The following RFX7 variants were observed in gnomAD, a reference collection of about 807,000 sequenced individuals.
The protein encoded by RFX7 is DNA-binding protein RFX7.
Under a neutral mutation model 111.8 loss-of-function variants are expected in RFX7, and 26 were observed. The observed-to-expected ratio is 0.23, with a 90% confidence interval of 0.17 to 0.32. The LOEUF (loss-of-function observed/expected upper bound fraction) is 0.32. RFX7 is among the 10% of genes least tolerant of loss of function. The pLI is 1.00. For synonymous variants in RFX7, 624 were observed against 624.4 expected (o/e 1.00, Z 0.01); for missense variants, 1,573 against 1,772.9 (o/e 0.89, Z 2.02).
At position 56,095,661 on chromosome 15, in the gene RFX7, T is replaced by C. The variant is rs3803459; in HGVS notation, c.2067A>G (p.Lys689=). Residue 689 remains lysine (K), a synonymous_variant, in exon 10 of 10, where the codon AAA becomes AAG. Transcript: ENST00000559447. ...TTTGGTCCTTCTTAACACTGCCTTG[T>C]TTCTGCCCTTCTATGGTAGCTGCTG... ...QLSAATIEGQ[K]QGSVKKDQKV... 228,329 of 1,613,782 alleles carry C rather than the reference T, an allele frequency of 0.14. 20,850 individuals carry two copies. The highest frequency in any genetic ancestry group is 0.48 in the East Asian group (21,371 of 44,858).
chr15:56,119,497 C>T (rs1306135797), intron 5 of RFX7, among the ~76,000 whole-genome samples: 2 of 152,050 alleles, frequency 1.3e-5, no homozygotes, highest in African/African-American at 4.8e-5. Context: ...AGTTCACTGG[C>T]TGGGTGCGGT....
chr15:56,214,906 A>G (rs1337793164), intron 2 of RFX7, among the ~76,000 whole-genome samples: 7 of 151,974 alleles, frequency 4.6e-5, no homozygotes, highest in African/African-American at 1.7e-4. Flanking sequence ...AGACTAACGT[A>G]TGGTAAGTTA....
chr15:56,232,789 C>T (rs1309110584), intron 2 of RFX7, among the ~76,000 whole-genome samples: 1 of 152,166 alleles, frequency 6.6e-6, no homozygotes, highest in Admixed American at 6.5e-5. Flanking sequence ...GGGTAAAATG[C>T]TGCCAGTATC....
In RFX7 at chr15:56,140,118, C is replaced by T. The variant is rs1595958553; in HGVS notation, c.401+2660G>A. 1.3e-5 allele frequency among the ~76,000 whole-genome samples: 2 copies of T among 152,210 alleles called. 1 individual carries two copies. Among genetic ancestry groups the T allele is most frequent in the South Asian group, 4.1e-4 (2 of 4,826 alleles). On this transcript the variant is annotated intron_variant, in intron 5 of 9. Coordinates refer to ENST00000559447, the MANE Select transcript of RFX7 (RefSeq NM_022841.7). ...GGTGGAGCCTACAGAGGCAGGCAGG[C>T]CTCCTTGAGCTGTGGTGGGCTCCGC... is the stretch of plus-strand genomic sequence containing the variant.
chr15:56,131,851 A>G (rs2042222959), intron 5 of RFX7, among the ~76,000 whole-genome samples: 1 of 152,176 alleles, frequency 6.6e-6, no homozygotes, highest in African/African-American at 2.4e-5. Flanking sequence ...ACTATCTAGA[A>G]AAGTCAAAAG....
chr15:56,123,115 T>G (rs1235981340), intron 5 of RFX7, among the ~76,000 whole-genome samples: 8 of 152,142 alleles, frequency 5.3e-5, no homozygotes, highest in Admixed American at 3.3e-4. Context: ...CCTCTGCTTT[T>G]TCCAACCAGA....
chr15:56,185,237 T>C (rs2043025627), intron 2 of RFX7, among the ~76,000 whole-genome samples: 1 of 152,194 alleles, frequency 6.6e-6, no homozygotes, highest in African/African-American at 2.4e-5. Context: ...ATTTTATTTT[T>C]AAACTATCTA....
intron 4 of RFX7, 88 bp from the exon 5 acceptor site, chr15:56,142,988 G>T: frequency 7.0e-7 from 1 of 1,421,470 alleles, no homozygotes; most frequent in Non-Finnish European, 9.7e-7. Flanking sequence ...CTAAAGAACT[G>T]TATACAAATA....
intron 2 of RFX7, among the ~76,000 whole-genome samples, chr15:56,225,381 A>C (rs2043471312): frequency 6.6e-6 from 1 of 152,148 alleles, no homozygotes; most frequent in Non-Finnish European, 1.5e-5. Context: ...TGTCTTCATT[A>C]TGGAAAGCCC....
At chr15:56,194,966 T>C (rs1434526899) in intron 2 of RFX7, among the ~76,000 whole-genome samples, 2 of 152,164 alleles carry the variant, frequency 1.3e-5, no homozygotes, top group Admixed American at 6.5e-5. Flanking sequence ...CTGATGTTCA[T>C]AGCAGCACTG....
chr15:56,095,888 A>T lies in RFX7; in HGVS notation c.1840T>A (p.Ser614Thr). ...ATAGTGCTTTGATTATTGCCTGTTG[A>T]CGTGCCTGGCAGCATTTCATTACAG... ...SRCNEMLPGT[S>T]TGNNQSTITL... The change falls in exon 10 of 10, where the codon TCA becomes ACA. Residue 614 changes from serine (S) to threonine (T), a missense_variant. Ser to Thr is a moderately conservative substitution (Grantham distance 58). Transcript: ENST00000559447. The T allele has an allele frequency of 6.2e-7, 1 of 1,605,398 alleles. No individual in the cohort carries two copies.
At chr15:56,119,459 T>A (rs907384307) in intron 5 of RFX7, among the ~76,000 whole-genome samples, 1 of 152,182 alleles carries the variant, frequency 6.6e-6, no homozygotes, top group African/African-American at 2.4e-5. Context: ...TTCCCCAGTG[T>A]ATGCTTATGG....
Position 56,193,048 on chromosome 15 carries a change from C to T in RFX7, c.162-13745G>A, listed in dbSNP as rs778130052. On this transcript the variant is annotated intron_variant, in intron 2 of 9. Transcript: ENST00000559447. ...CAAAAGCCTTAGGGTTTTCTACAAA[C>T]AACTTCTTTGTCACTTTCCTAAGGC... is the stretch of plus-strand genomic sequence containing the variant. The T allele has an allele frequency of 2.1e-5, 5 of 237,338 alleles. No individual in the cohort carries two copies. In the East Asian group the frequency reaches 5.3e-4, roughly 25 times the overall value. 14.7% of individuals were successfully genotyped at this position (237,338 alleles called of 1,614,324 possible).
intron 3 of RFX7, chr15:56,179,040 T>A (rs1173349695): frequency 1.7e-5 from 3 of 178,146 alleles, no homozygotes; most frequent in Non-Finnish European, 3.6e-5. Flanking sequence ...CCAGTTAAGA[T>A]TCAAAAACAT....
chr15:56,224,467 T>TTCTGTG (rs1555426682), intron 2 of RFX7, among the ~76,000 whole-genome samples: 6 of 147,204 alleles, frequency 4.1e-5, no homozygotes, highest in African/African-American at 1.5e-4. Flanking sequence ...GATTAGGATT[T>TTCTGTG]TGTGTGTGTG....
chr15:56,177,754 C>T (rs1262193489), intron 3 of RFX7, among the ~76,000 whole-genome samples: 2 of 152,138 alleles, frequency 1.3e-5, no homozygotes, highest in African/African-American at 4.8e-5. Flanking sequence ...TTGCTTACCA[C>T]TGTACTCTCG....
intron 2 of RFX7, among the ~76,000 whole-genome samples, chr15:56,201,860 C>G (rs2043195975): frequency 6.6e-6 from 1 of 152,120 alleles, no homozygotes; most frequent in South Asian, 2.1e-4. Context: ...GAAACCCCGT[C>G]TCTACTAAAA....
chr15:56,227,526 A>C (rs181582572), intron 2 of RFX7, among the ~76,000 whole-genome samples: 2 of 152,268 alleles, frequency 1.3e-5, no homozygotes, highest in East Asian at 3.9e-4. Context: ...CTTTATTAAC[A>C]AATTTTTTTT....
intron 5 of RFX7, among the ~76,000 whole-genome samples, chr15:56,122,139 G>A (rs1196546644): frequency 6.6e-6 from 1 of 152,116 alleles, no homozygotes; most frequent in Non-Finnish European, 1.5e-5. Flanking sequence ...CACAGTGTGG[G>A]CCTGTTTGTA....
Sources: gnomAD v4.1 joint callset for allele counts (sites outside exome capture counted in the v4.1 genomes callset) on GRCh38, gnomAD v4.1.1 for gene constraint, MANE v1.5 for transcripts, NCBI Gene and HGNC (gene_info 2026-07-23, HGNC 2026-07-21) for gene names.